Variants in RASGEF1C observed in about 807,000 individuals in gnomAD.
RASGEF1C encodes ras-GEF domain-containing family member 1C.
RASGEF1C carries 27 observed loss-of-function variants against 58.1 expected under a neutral mutation model. The ratio of observed to expected loss-of-function variants is 0.46; its 90% CI spans 0.34 to 0.64. The LOEUF is 0.64. Ranked by LOEUF, RASGEF1C falls within the 30% of genes least tolerant of loss-of-function variation. The pLI is 0.01. For missense variants in RASGEF1C, 502 were observed against 605.1 expected (o/e 0.83, Z 1.79); for synonymous variants, 243 against 246.3 (o/e 0.99, Z 0.13).
At chr5:180,173,919 C>A (rs62406107) in intron 1 of RASGEF1C, among the ~76,000 whole-genome samples, 1,765 of 42,526 alleles carry the variant, frequency 0.042, 21 homozygotes, top group Middle Eastern at 0.12. Context: ...TCAAAACAAC[C>A]ACCAAAAAAA....
At chr5:180,125,604 G>GA (rs35922488) in intron 6 of RASGEF1C, among the ~76,000 whole-genome samples, 1 of 151,966 alleles carries the variant, frequency 6.6e-6, no homozygotes, top group African/African-American at 2.4e-5. Flanking sequence ...CCAACATGGA[G>GA]AACCCTTGTC....
rs1767255450 is a variant in RASGEF1C, at chr5:180,177,824, G to A, written c.-7+31204C>T. Among the ~76,000 whole-genome samples the A allele has an allele frequency of 6.6e-6, 1 of 152,184 alleles. No homozygotes were observed. Among genetic ancestry groups the A allele is most frequent in the African/African-American group, 2.4e-5 (1 of 41,448 alleles). ...TGAGCAGAGCCTCTCTCTCTGCTCA[G>A]GGCAAGGTAAGGACAGGAAGTAAGT... On this transcript the variant is annotated intron_variant, in intron 1 of 13. Transcript: ENST00000361132. This position sits in a 1 kb window ranked among gnomAD's most constrained non-coding sequence, Gnocchi z 5.0.
chr5:180,181,413 G>A (rs1374975021), intron 1 of RASGEF1C, among the ~76,000 whole-genome samples: 1 of 152,266 alleles, frequency 6.6e-6, no homozygotes, highest in Non-Finnish European at 1.5e-5. Context: ...TCTCCAAAAC[G>A]AGGCCTTATT....
intron 1 of RASGEF1C, among the ~76,000 whole-genome samples, chr5:180,171,903 G>A (rs1448948134): frequency 1.3e-5 from 2 of 152,070 alleles, no homozygotes; most frequent in East Asian, 1.9e-4. Flanking sequence ...GCTGTGGGGC[G>A]GGCCCCTCAG....
chr5:180,105,950 C>G (rs147724205), intron 12 of RASGEF1C, among the ~76,000 whole-genome samples: 9 of 152,106 alleles, frequency 5.9e-5, no homozygotes, highest in Non-Finnish European at 5.9e-5. Context: ...GAGGTGGCCA[C>G]TAAGTGACTG....
In RASGEF1C at chr5:180,155,944, G is replaced by A. The variant is rs562443536; in HGVS notation, c.-6-17886C>T. ...CACTGCTGAGCAAGCAAGTGACCAG[G>A]TTATCCAATTAGAGCAAAGCCTGGG... On this transcript the variant is annotated intron_variant, in intron 1 of 13. Transcript: ENST00000361132. This position sits in a 1 kb window ranked among gnomAD's most constrained non-coding sequence, Gnocchi z 5.2. 1.3e-5 allele frequency among the ~76,000 whole-genome samples: 2 copies of A among 152,240 alleles called. No individual in the cohort carries two copies. Among genetic ancestry groups the A allele is most frequent in the Admixed American group, 6.5e-5 (1 of 15,296 alleles).
At chr5:180,182,204 C>CAAAAAAAAAAAAAAAAAAA (rs1156831010) in intron 1 of RASGEF1C, among the ~76,000 whole-genome samples, 2 of 22,770 alleles carry the variant, frequency 8.8e-5, no homozygotes, top group Non-Finnish European at 1.6e-4. Flanking sequence ...GACTCCGTCT[C>CAAAAAAAAAAAAAAAAAAA]AAAAAAAAAA....
rs747076564 is a variant in RASGEF1C, at chr5:180,114,518, C to T, written c.1107G>A (p.Leu369=). Residue 369 remains leucine (L), a synonymous_variant, in exon 11 of 14, where the codon CTG becomes CTA. Transcript: ENST00000361132. The stretch of plus-strand genomic sequence containing the variant: ...TCAGGAAGTAGATGTCTTTGATGAG[C>T]AGGCTGAAGAAAGGAATGACAATCT... The part of the protein sequence containing the change: ...REKIVIPFFS[L]LIKDIYFLNE... 13 of 1,611,832 alleles carry T rather than the reference C, an allele frequency of 8.1e-6. No individual in the cohort carries two copies. The highest frequency in any genetic ancestry group is 2.2e-5 in the South Asian group (2 of 90,968).
At chr5:180,206,933 T>C (rs1756499568) in intron 1 of RASGEF1C, among the ~76,000 whole-genome samples, 1 of 152,114 alleles carries the variant, frequency 6.6e-6, no homozygotes, top group African/African-American at 2.4e-5. Flanking sequence ...CTCCCAATGG[T>C]GTGGGAACAA....
rs1433651469 is a variant in RASGEF1C, at chr5:180,114,508, C to T, written c.1117G>A (p.Asp373Asn). 6.2e-7 allele frequency: 1 copy of T among 1,612,442 alleles called. No homozygotes were observed. Among genetic ancestry groups the T allele is most frequent in the Non-Finnish European group, 8.5e-7 (1 of 1,178,996 alleles). The part of the protein sequence containing the change: ...VIPFFSLLIK[D>N]IYFLNEGCAN... ...CAGCCCTCATTCAGGAAGTAGATGT[C>T]TTTGATGAGCAGGCTGAAGAAAGGA... The change falls in exon 11 of 14, where the codon GAC (aspartate) becomes AAC (asparagine). Residue 373 changes from aspartate (D) to asparagine (N), a missense_variant. Transcript: ENST00000361132.
intron 12 of RASGEF1C, among the ~76,000 whole-genome samples, chr5:180,104,213 G>A (rs2113233489): frequency 6.6e-6 from 1 of 152,306 alleles, no homozygotes; most frequent in African/African-American, 2.4e-5. Flanking sequence ...AAAAATTCAT[G>A]TTGAAACATA....
At chr5:180,192,051 T>C (rs1275147271) in intron 1 of RASGEF1C, among the ~76,000 whole-genome samples, 1 of 152,230 alleles carries the variant, frequency 6.6e-6, no homozygotes, top group Admixed American at 6.5e-5. Flanking sequence ...AGAGTCTCTC[T>C]CTAGCTTCGT....
Position 180,194,796 on chromosome 5 carries a change from G to A in RASGEF1C, c.-7+14232C>T, listed in dbSNP as rs945128582. On this transcript the variant is annotated intron_variant, in intron 1 of 13. Coordinates refer to ENST00000361132, the MANE Select transcript of RASGEF1C (RefSeq NM_175062.4). The stretch of plus-strand genomic sequence containing the variant: ...CTCCGGAGCCTGACCGACCTTCTCC[G>A]AGGATTCCGAACCAGCCCTCTCTCC... 3.3e-5 allele frequency among the ~76,000 whole-genome samples: 5 copies of A among 152,198 alleles called. No individual in the cohort carries two copies. In the South Asian group the frequency reaches 1.0e-3, roughly 32 times the overall value.
At chr5:180,195,913 T>C (rs1050467261) in intron 1 of RASGEF1C, among the ~76,000 whole-genome samples, 1 of 152,182 alleles carries the variant, frequency 6.6e-6, no homozygotes, top group Admixed American at 6.5e-5. Context: ...TGGAATATTA[T>C]TAAAAACACT....
At chr5:180,192,729 C>T (rs1216335656) in intron 1 of RASGEF1C, among the ~76,000 whole-genome samples, 1 of 141,734 alleles carries the variant, frequency 7.1e-6, no homozygotes, top group African/African-American at 2.5e-5. Context: ...AAAATATCTT[C>T]ATAGTGTTTT....
At chr5:180,171,235 G>C (rs1191299204) in intron 1 of RASGEF1C, among the ~76,000 whole-genome samples, 3 of 152,016 alleles carry the variant, frequency 2.0e-5, no homozygotes. Flanking sequence ...TGAGCTGCAG[G>C]AGCCCGGGAC....
In RASGEF1C at chr5:180,101,383, G is replaced by C; in HGVS notation, c.*118C>G. On this transcript the variant is annotated 3_prime_UTR_variant, in exon 14 of 14. Coordinates refer to ENST00000361132, the MANE Select transcript of RASGEF1C (RefSeq NM_175062.4). ...GGGGGGGGCGGGCAGCAGGCCACAGGGTCGGCATTTGCAAAATAGTGAGGC... is the reference window on the plus strand; with the variant it reads ...GGGGGGGGCGGGCAGCAGGCCACAGCGTCGGCATTTGCAAAATAGTGAGGC... 3 of 1,219,448 alleles carry C rather than the reference G, an allele frequency of 2.5e-6. No individual in the cohort carries two copies. The highest frequency in any genetic ancestry group is 3.5e-6 in the Non-Finnish European group (3 of 857,490). 75.5% of individuals were successfully genotyped at this position (1,219,448 alleles called of 1,614,324 possible).
Position 180,204,697 on chromosome 5 carries a change from T to G in RASGEF1C, c.-7+4331A>C, listed in dbSNP as rs540663590. 2.4e-4 allele frequency among the ~76,000 whole-genome samples: 36 copies of G among 152,264 alleles called. No individual in the cohort carries two copies. In the South Asian group the frequency reaches 3.5e-3, roughly 15 times the overall value. The stretch of plus-strand genomic sequence containing the variant: ...TCTTCCCATCCTAAAGTCAGCATCT[T>G]TCTTAATAGGGGAAGTATTAGAGGC... On this transcript the variant is annotated intron_variant, in intron 1 of 13. Transcript: ENST00000361132.
intron 1 of RASGEF1C, among the ~76,000 whole-genome samples, chr5:180,186,530 G>T (rs1756044348): frequency 6.6e-6 from 1 of 152,158 alleles, no homozygotes; most frequent in African/African-American, 2.4e-5. Context: ...ATAAATTAAA[G>T]AAAGTCTCAA....
Sources: gnomAD v4.1 joint callset for allele counts (sites outside exome capture counted in the v4.1 genomes callset) on GRCh38, gnomAD v4.1.1 for gene constraint, Gnocchi (gnomAD v3.1) non-coding constraint, MANE v1.5 for transcripts, NCBI Gene and HGNC (gene_info 2026-07-23, HGNC 2026-07-21) for gene names.